The following ATF6 variants were observed in gnomAD, a reference collection of about 807,000 sequenced individuals.
ATF6 encodes the protein activating transcription factor 6.
A neutral mutation model predicts 83.6 loss-of-function variants in ATF6; 53 were observed. The ratio of observed to expected loss-of-function variants is 0.63; its 90% CI spans 0.51 to 0.80. The LOEUF (loss-of-function observed/expected upper bound fraction) is 0.80. Ranked by LOEUF, ATF6 falls within the 30% of genes least tolerant of loss-of-function variation. ATF6 has a pLI of 0.00. For synonymous variants in ATF6, 288 were observed against 285.8 expected (o/e 1.01, Z -0.08); for missense variants, 744 against 797.9 (o/e 0.93, Z 0.81).
chr1:161,961,984 TAATGTG>T lies in ATF6; in HGVS notation c.*3333_*3338del, dbSNP rs571519520. 24 of 152,322 alleles carry T rather than the reference TAATGTG, an allele frequency of 1.6e-4. No individual in the cohort carries two copies. The East Asian group carries it at 3.9e-3, about 24-fold the overall frequency. 9.4% of individuals were successfully genotyped at this position (152,322 alleles called of 1,614,324 possible). A position where few individuals can be genotyped will look rare whatever the true frequency, so the allele number is the denominator to read the frequency against. On this transcript the variant is annotated 3_prime_UTR_variant, in exon 16 of 16. Coordinates refer to ENST00000367942, the MANE Select transcript of ATF6 (RefSeq NM_007348.4). ...GTAAACTAACTCCAAAGTTAGGAGT[TAATGTG>T]AAAGGATCATCCTTGAAACAAATCT...
intron 15 of ATF6, among the ~76,000 whole-genome samples, chr1:161,941,357 G>A (rs571097909): frequency 6.6e-6 from 1 of 152,298 alleles, no homozygotes; most frequent in South Asian, 2.1e-4. Flanking sequence ...CTATAGTCTA[G>A]GTAGCTTTGT....
At chr1:161,907,411 A>G in intron 14 of ATF6, among the ~76,000 whole-genome samples, 1 of 152,194 alleles carries the variant, frequency 6.6e-6, no homozygotes, top group South Asian at 2.1e-4. Flanking sequence ...CATCTCTGGA[A>G]TCCAGTGGAT....
intron 13 of ATF6, among the ~76,000 whole-genome samples, chr1:161,861,643 C>T (rs1436896618): frequency 6.6e-6 from 1 of 152,110 alleles, no homozygotes; most frequent in African/African-American, 2.4e-5. Context: ...TGCTAATTCA[C>T]CTACTAAAAT....
At chr1:161,866,746 T>C (rs1192890203) in intron 14 of ATF6, among the ~76,000 whole-genome samples, 1 of 150,606 alleles carries the variant, frequency 6.6e-6, no homozygotes, top group Non-Finnish European at 1.5e-5. Context: ...ATGCCTTTTT[T>C]GTTTGTTTGT....
chr1:161,831,840 A>G lies in ATF6; in HGVS notation c.1187+10679A>G, dbSNP rs1686068812. 3.3e-5 allele frequency among the ~76,000 whole-genome samples: 5 copies of G among 151,996 alleles called. No individual in the cohort carries two copies. The South Asian group carries it at 1.0e-3, about 32-fold the overall frequency. ...GGGATAGCATTCAGAGATACACCTA[A>G]TGTAAATGGCGAGTTAATGGGTGCA... On this transcript the variant is annotated intron_variant, in intron 9 of 15. Coordinates refer to ENST00000367942, the MANE Select transcript of ATF6 (RefSeq NM_007348.4).
chr1:161,792,101 T>C, intron 5 of ATF6, 23 bp from the exon 6 acceptor site: 2 of 1,608,560 alleles, frequency 1.2e-6, no homozygotes, highest in Non-Finnish European at 1.7e-6. Flanking sequence ...CATTGACTTG[T>C]GGTTTGTCTG....
chr1:161,802,115 C>T lies in ATF6; in HGVS notation c.752C>T (p.Ser251Phe), dbSNP rs1685164024. The change falls in exon 7 of 16, where the codon TCT (serine) becomes TTT (phenylalanine). Residue 251 changes from serine (S) to phenylalanine (F), a missense_variant. Coordinates refer to ENST00000367942, the MANE Select transcript of ATF6 (RefSeq NM_007348.4). ...CTTCAAGCACCTGGAGTTCTGCCCTCTGCTCAGCCAGTCCTTGCTGTTGCT... is the reference window on the plus strand; with the variant it reads ...CTTCAAGCACCTGGAGTTCTGCCCTTTGCTCAGCCAGTCCTTGCTGTTGCT... Reference protein sequence around the residue: ...VQLQAPGVLPSAQPVLAVAGG... With the variant: ...VQLQAPGVLPFAQPVLAVAGG... The T allele has an allele frequency of 6.2e-7, 1 of 1,614,024 alleles. No homozygotes were observed. The highest frequency in any genetic ancestry group is 1.3e-5 in the African/African-American group (1 of 74,930).
chr1:161,866,066 C>T (rs1251878211), intron 14 of ATF6, among the ~76,000 whole-genome samples: 2 of 152,104 alleles, frequency 1.3e-5, no homozygotes, highest in Admixed American at 1.3e-4. Context: ...TTTTCTCCCA[C>T]TTAGGTTCTT....
At chr1:161,899,255 T>C (rs1309563079) in intron 14 of ATF6, among the ~76,000 whole-genome samples, 1 of 152,238 alleles carries the variant, frequency 6.6e-6, no homozygotes, top group Non-Finnish European at 1.5e-5. Flanking sequence ...CAGGATGTCA[T>C]TAAGCCTATT....
intron 14 of ATF6, among the ~76,000 whole-genome samples, chr1:161,887,501 A>G (rs1435693489): frequency 6.6e-6 from 1 of 152,244 alleles, no homozygotes; most frequent in African/African-American, 2.4e-5. Flanking sequence ...GATAATTGTT[A>G]TCACCCATCA....
chr1:161,800,882 A>T (rs1313976195), intron 6 of ATF6, among the ~76,000 whole-genome samples: 5 of 152,112 alleles, frequency 3.3e-5, no homozygotes, highest in African/African-American at 1.2e-4. Flanking sequence ...TGATTTTGTA[A>T]ACTGACATGA....
rs1689089495 is a variant in ATF6, at chr1:161,961,064, A to G, written c.*2410A>G. 6.6e-6 allele frequency: 1 copy of G among 152,174 alleles called. No homozygotes were observed. Among genetic ancestry groups the G allele is most frequent in the East Asian group, 1.9e-4 (1 of 5,188 alleles). The allele number at this position is 152,174 out of a possible 1,614,324, so 9.4% of individuals were successfully genotyped here. A position where few individuals can be genotyped will look rare whatever the true frequency, so the allele number is the denominator to read the frequency against. ...CCCATCTCGTGGCCTTCTTGTTCTTAGCGCTTCACTTTTACTTCATCCCTC... is the reference window on the plus strand; with the variant it reads ...CCCATCTCGTGGCCTTCTTGTTCTTGGCGCTTCACTTTTACTTCATCCCTC... On this transcript the variant is annotated 3_prime_UTR_variant, in exon 16 of 16. Transcript: ENST00000367942.
At chr1:161,934,449 C>T (rs1024146966) in intron 15 of ATF6, among the ~76,000 whole-genome samples, 1 of 152,164 alleles carries the variant, frequency 6.6e-6, no homozygotes, top group South Asian at 2.1e-4. Context: ...GCCTGAGACT[C>T]CTTCCAATCC....
intron 14 of ATF6, among the ~76,000 whole-genome samples, chr1:161,899,555 A>G (rs1687741049): frequency 6.6e-6 from 1 of 152,240 alleles, no homozygotes; most frequent in Non-Finnish European, 1.5e-5. Context: ...AGATCATTTG[A>G]TAAATGATTA....
At chr1:161,814,840 A>C (rs1459758239) in intron 7 of ATF6, among the ~76,000 whole-genome samples, 1 of 152,248 alleles carries the variant, frequency 6.6e-6, no homozygotes. Context: ...CCACAAATTA[A>C]ATTTGCCAAT....
chr1:161,923,520 T>G (rs1026517054), intron 15 of ATF6, among the ~76,000 whole-genome samples: 1 of 152,184 alleles, frequency 6.6e-6, no homozygotes, highest in Non-Finnish European at 1.5e-5. Context: ...AACCTGGAAA[T>G]AAATAGATTT....
chr1:161,840,847 C>T (rs970535482), intron 9 of ATF6, among the ~76,000 whole-genome samples: 21 of 152,152 alleles, frequency 1.4e-4, no homozygotes, highest in African/African-American at 4.8e-5. Context: ...TAGCATGTTT[C>T]TGATCATAGA....
At chr1:161,836,301 T>C (rs1337360686) in intron 9 of ATF6, among the ~76,000 whole-genome samples, 1 of 152,318 alleles carries the variant, frequency 6.6e-6, no homozygotes, top group African/African-American at 2.4e-5. Context: ...CCATATGATA[T>C]CACTATTGGC....
chr1:161,914,619 G>T (rs1320181512), intron 15 of ATF6, among the ~76,000 whole-genome samples: 1 of 151,978 alleles, frequency 6.6e-6, no homozygotes, highest in Non-Finnish European at 1.5e-5. Context: ...TCCTTTTCAG[G>T]CATCCCACTC....
Sources: allele counts gnomAD v4.1 joint callset (sites outside exome capture counted in the v4.1 genomes callset), GRCh38; gene constraint gnomAD v4.1.1; transcripts MANE v1.5; gene names NCBI Gene and HGNC (gene_info 2026-07-23, HGNC 2026-07-21).